Variants in ANK3 observed in about 807,000 individuals in gnomAD.
ANK3 encodes ankyrin-3.
In ANK3, 57 loss-of-function variants were observed where a neutral mutation model predicts 370.9. The observed-to-expected ratio is 0.15, with a 90% CI of 0.12 to 0.19. The LOEUF (loss-of-function observed/expected upper bound fraction) is 0.19. Ranked by LOEUF, ANK3 falls within the 10% of genes least tolerant of loss-of-function variation. The pLI is 1.00. For synonymous variants in ANK3, 1,929 were observed against 1,946.3 expected (o/e 0.99, Z 0.23); for missense variants, 4,439 against 5,302.1 (o/e 0.84, Z 5.06).
chr10:60,085,939 C>T (rs1366669642), intron 30 of ANK3, among the ~76,000 whole-genome samples: 1 of 152,114 alleles, frequency 6.6e-6, no homozygotes, highest in African/African-American at 2.4e-5. Context: ...AAGGTAAGAA[C>T]TACCAAAGTT....
rs2077822807 is a variant in ANK3, at chr10:60,585,797, G to A, written c.96+29389C>T. Among the ~76,000 whole-genome samples, 4 of 152,160 alleles carry A rather than the reference G, an allele frequency of 2.6e-5. No homozygotes were observed. In the South Asian group the frequency reaches 8.3e-4, roughly 31 times the overall value. On this transcript the variant is annotated intron_variant, in intron 2 of 43. Coordinates refer to the ANK3 transcript ENST00000373827. ...CCAGCACTTTGGGGGGCCAAGGTGGGTGGATCACCTGAGGTCAGGAGTTCA... is the reference window on the plus strand; with the variant it reads ...CCAGCACTTTGGGGGGCCAAGGTGGATGGATCACCTGAGGTCAGGAGTTCA...
chr10:60,211,892 CAAAAAAAAAA>C (rs72238553), intron 9 of ANK3, among the ~76,000 whole-genome samples: 1,547 of 93,420 alleles, frequency 0.017, 20 homozygotes, highest in Non-Finnish European at 0.023. Flanking sequence ...AATACAGAGC[CAAAAAAAAAA>C]AAAAAAAAAA....
chr10:60,211,175 A>T (rs1347497269), intron 9 of ANK3, among the ~76,000 whole-genome samples: 8 of 152,190 alleles, frequency 5.3e-5, no homozygotes, highest in Admixed American at 5.2e-4. Context: ...AAGACTGTGT[A>T]TGGAGCCGTC....
chr10:60,106,098 A>G, intron 27 of ANK3, 39 bp from the exon 28 acceptor site: 1 of 1,536,372 alleles, frequency 6.5e-7, no homozygotes, highest in East Asian at 2.4e-5. Context: ...ATCAAATTAA[A>G]TATATTTATA....
intron 1 of ANK3, among the ~76,000 whole-genome samples, chr10:60,325,412 C>A (rs1188229144): frequency 6.6e-6 from 1 of 152,216 alleles, no homozygotes; most frequent in Non-Finnish European, 1.5e-5. Context: ...AGCTGGAACA[C>A]TTAACTGCCA....
intron 2 of ANK3, among the ~76,000 whole-genome samples, chr10:60,511,291 T>C (rs906880820): frequency 1.3e-5 from 2 of 152,164 alleles, no homozygotes; most frequent in Non-Finnish European, 2.9e-5. Context: ...ATTTTGTTAC[T>C]ATGACTTACT....
chr10:60,576,696 C>G (rs978111415), intron 2 of ANK3, among the ~76,000 whole-genome samples: 4 of 152,162 alleles, frequency 2.6e-5, no homozygotes, highest in Non-Finnish European at 5.9e-5. Context: ...CCCTTGATAC[C>G]ATTCATCAAT....
intron 1 of ANK3, among the ~76,000 whole-genome samples, chr10:60,310,847 C>A (rs895040693): frequency 6.6e-6 from 1 of 152,178 alleles, no homozygotes; most frequent in Non-Finnish European, 1.5e-5. Flanking sequence ...ATGTCCTTTT[C>A]TTCAACTCTA....
Position 60,389,813 on chromosome 10 carries a change from C to T in ANK3, c.-275G>A. ...AATGCATTTACCGTAGTGAAGAAGA[C>T]AGCTGGGACAGAGGAAGCTGTATTA... On this transcript the variant is annotated 5_prime_UTR_variant, in exon 1 of 44. Coordinates refer to ENST00000280772, the MANE Select transcript of ANK3 (RefSeq NM_020987.5). The T allele has an allele frequency of 8.2e-7, 1 of 1,214,738 alleles. No individual in the cohort carries two copies. The highest frequency in any genetic ancestry group is 1.0e-6 in the Non-Finnish European group (1 of 972,538). 75.2% of individuals were successfully genotyped at this position (1,214,738 alleles called of 1,614,324 possible).
intron 7 of ANK3, among the ~76,000 whole-genome samples, chr10:60,235,102 T>C (rs1385931766): frequency 1.3e-5 from 2 of 152,226 alleles, no homozygotes; most frequent in African/African-American, 4.8e-5. Flanking sequence ...TTTTCTATAA[T>C]TTGAGTGATA....
intron 1 of ANK3, among the ~76,000 whole-genome samples, chr10:60,696,883 G>C (rs1247422789): frequency 1.4e-5 from 2 of 144,552 alleles, no homozygotes; most frequent in Admixed American, 1.4e-4. Flanking sequence ...ATTCAACATA[G>C]TGTTGGAAGT....
chr10:60,356,339 T>C, intron 1 of ANK3, among the ~76,000 whole-genome samples: 1 of 152,224 alleles, frequency 6.6e-6, no homozygotes, highest in East Asian at 1.9e-4. Flanking sequence ...TATACTGGAT[T>C]CAGTCTACAT....
chr10:60,128,612 C>A (rs981853807), intron 25 of ANK3, among the ~76,000 whole-genome samples: 1 of 152,028 alleles, frequency 6.6e-6, no homozygotes, highest in African/African-American at 2.4e-5. Flanking sequence ...AACTTCTGAC[C>A]TCAAATGATC....
At position 60,134,528 on chromosome 10, in the gene ANK3, T is replaced by A. The variant is rs573346515; in HGVS notation, c.2739-155A>T. 3.9e-5 allele frequency among the ~76,000 whole-genome samples: 6 copies of A among 152,364 alleles called. No individual in the cohort carries two copies. The South Asian group carries it at 1.2e-3, about 32-fold the overall frequency. ...ACATAGTGAAAAGTAAAATCCCTTG[T>A]ATTTGAGAAAATGTCTTCAGTGTAG... On this transcript the variant is annotated intron_variant, in intron 24 of 43. Coordinates refer to ENST00000280772, the MANE Select transcript of ANK3 (RefSeq NM_020987.5).
intron 1 of ANK3, among the ~76,000 whole-genome samples, chr10:60,334,638 A>G (rs541395361): frequency 5.9e-5 from 9 of 152,240 alleles, no homozygotes; most frequent in African/African-American, 2.2e-4. Flanking sequence ...CAAGTTTTCT[A>G]ATGTAAGATG....
chr10:60,330,831 G>A (rs2051068703), intron 1 of ANK3, among the ~76,000 whole-genome samples: 2 of 152,130 alleles, frequency 1.3e-5, no homozygotes. Flanking sequence ...GTTTATTGCG[G>A]CACTGTTCAC....
intron 1 of ANK3, among the ~76,000 whole-genome samples, chr10:60,616,599 A>C (rs746172672): frequency 1.3e-5 from 2 of 152,232 alleles, no homozygotes; most frequent in East Asian, 3.9e-4. Flanking sequence ...AATACTTCCT[A>C]GTATTTATGA....
At chr10:60,175,767 C>G (rs534225187) in intron 18 of ANK3, among the ~76,000 whole-genome samples, 1 of 152,362 alleles carries the variant, frequency 6.6e-6, no homozygotes, top group East Asian at 1.9e-4. Context: ...CAGAGGCAGA[C>G]TGGGTTTGGG....
chr10:60,659,483 C>A (rs2078908833), intron 1 of ANK3, among the ~76,000 whole-genome samples: 6 of 152,026 alleles, frequency 3.9e-5, no homozygotes, highest in Non-Finnish European at 1.5e-5. Flanking sequence ...TTGTTATCTG[C>A]AAGAGAGTTT....
Sources: allele counts gnomAD v4.1 joint callset (sites outside exome capture counted in the v4.1 genomes callset), GRCh38; gene constraint gnomAD v4.1.1; transcripts MANE v1.5; gene names NCBI Gene and HGNC (gene_info 2026-07-23, HGNC 2026-07-21).